FZD2: variants seen among roughly 807,000 people sequenced by gnomAD.
FZD2 encodes frizzled class receptor 2.
In FZD2, 17 loss-of-function variants were observed where a neutral mutation model predicts 36.7. The observed-to-expected ratio is 0.46, with a 90% CI of 0.32 to 0.70. The LOEUF is 0.70. Ranked by LOEUF, FZD2 falls within the 30% of genes least tolerant of loss-of-function variation. FZD2 has a pLI of 0.04. For synonymous variants in FZD2, 333 were observed against 359.6 expected, an observed-to-expected ratio of 0.93 and a Z score of 0.84; for missense variants, 525 against 805.6, an observed-to-expected ratio of 0.65 and a Z score of 4.22.
rs760646843 is a variant in FZD2 at position 44,557,715 on chromosome 17, C to CCTGCTGCTGCCGCTG, written c.39_53dup (p.Leu14_Pro18dup). On this transcript the variant is annotated inframe_insertion, in exon 1 of 1. Coordinates refer to ENST00000315323, the MANE Select transcript of FZD2 (RefSeq NM_001466.4). This position sits in a 1 kb window ranked among gnomAD's most constrained non-coding sequence, Gnocchi z 4.9. ...TGCGGCCCCGCAGCGCCCTGCCCCGCCTGCTGCTGCCGCTGCTGCTGCTGC... is the reference window on the plus strand; with the variant it reads ...TGCGGCCCCGCAGCGCCCTGCCCCGCCTGCTGCTGCCGCTGCTGCTGCTGCCGCTGCTGCTGCTGC... 6.3e-6 allele frequency: 10 copies of CCTGCTGCTGCCGCTG among 1,582,904 alleles called. No homozygotes were observed. Among genetic ancestry groups the CCTGCTGCTGCCGCTG allele is most frequent in the Non-Finnish European group, 7.7e-6 (9 of 1,166,486 alleles).
Position 44,558,627 on chromosome 17 carries a change from C to T in FZD2, c.939C>T (p.Asp313=), listed in dbSNP as rs775656853. Residue 313 remains aspartate (D), a synonymous_variant, in exon 1 of 1, where the codon GAC becomes GAT. Transcript: ENST00000315323. This position sits in a 1 kb window ranked among gnomAD's most constrained non-coding sequence, Gnocchi z 9.3. ...RVVCNERFSE[D]GYRTVVQGTK... ...TGTGCAACGAGCGCTTCTCCGAGGA[C>T]GGTTACCGCACGGTGGTGCAGGGCA... The T allele has an allele frequency of 1.9e-6, 3 of 1,614,086 alleles. No individual in the cohort carries two copies. In the East Asian group the frequency reaches 6.7e-5, roughly 36 times the overall value.
chr17:44,559,064 T>C lies in FZD2; in HGVS notation c.1376T>C (p.Met459Thr). Residue 459 changes from methionine to threonine, a missense_variant, in exon 1 of 1, where the codon ATG (methionine) becomes ACG (threonine). This residue lies in a region of FZD2 where 189 missense variants were observed against 298.1 expected (regional missense o/e 0.63). Coordinates refer to ENST00000315323, the MANE Select transcript of FZD2 (RefSeq NM_001466.4). This position sits in a 1 kb window ranked among gnomAD's most constrained non-coding sequence, Gnocchi z 4.4. ...GTKTEKLERL[M>T]VRIGVFSVLY... ...AAGACCGAAAAGCTGGAGCGGCTCATGGTGCGCATCGGCGTCTTCTCCGTG... is the reference window on the plus strand; with the variant it reads ...AAGACCGAAAAGCTGGAGCGGCTCACGGTGCGCATCGGCGTCTTCTCCGTG... 6.2e-7 allele frequency: 1 copy of C among 1,614,048 alleles called. No individual in the cohort carries two copies.
chr17:44,559,449 C>A lies in FZD2; in HGVS notation c.*63C>A, dbSNP rs978950978. 2.1e-6 allele frequency: 3 copies of A among 1,449,976 alleles called. No homozygotes were observed. Among genetic ancestry groups the A allele is most frequent in the Non-Finnish European group, 2.7e-6 (3 of 1,103,732 alleles). The allele number at this position is 1,449,976 out of a possible 1,614,324, so 89.8% of individuals were successfully genotyped here. On this transcript the variant is annotated 3_prime_UTR_variant, in exon 1 of 1. Coordinates refer to ENST00000315323, the MANE Select transcript of FZD2 (RefSeq NM_001466.4). This position sits in a 1 kb window ranked among gnomAD's most constrained non-coding sequence, Gnocchi z 4.4. ...CCGCCCGGGGTGGGGCCCCTACAGA[C>A]TCCGTATTTTATTTTTTTAAATAAA... is the stretch of plus-strand genomic sequence containing the variant.
chr17:44,557,726 C>G lies in FZD2; in HGVS notation c.38C>G (p.Pro13Arg). The change falls in exon 1 of 1, where the codon CCG (proline) becomes CGG (arginine). Residue 13 changes from proline (P) to arginine (R), a missense_variant. Physicochemically the swap from Pro to Arg is moderately radical, Grantham distance 103. Coordinates refer to ENST00000315323, the MANE Select transcript of FZD2 (RefSeq NM_001466.4). This position sits in a 1 kb window ranked among gnomAD's most constrained non-coding sequence, Gnocchi z 4.9. ...PRSALPRLLL[P>R]LLLLPAAGPA... Reference sequence around the variant, plus strand: ...AGCGCCCTGCCCCGCCTGCTGCTGCCGCTGCTGCTGCTGCCCGCCGCCGGG... The same window carrying G: ...AGCGCCCTGCCCCGCCTGCTGCTGCGGCTGCTGCTGCTGCCCGCCGCCGGG... The G allele has an allele frequency of 6.3e-7, 1 of 1,599,786 alleles. No homozygotes were observed. The highest frequency in any genetic ancestry group is 8.5e-7 in the Non-Finnish European group (1 of 1,174,502).
At position 44,558,771 on chromosome 17, in the gene FZD2, C is replaced by T. The variant is rs374157449; in HGVS notation, c.1083C>T (p.Gly361=). 288 of 1,614,124 alleles carry T rather than the reference C, an allele frequency of 1.8e-4. No individual in the cohort carries two copies. Among genetic ancestry groups the T allele is most frequent in the Non-Finnish European group, 2.4e-4 (284 of 1,180,052 alleles). The change falls in exon 1 of 1, where the codon GGC becomes GGT. Residue 361 remains glycine, a synonymous_variant. Coordinates refer to ENST00000315323, the MANE Select transcript of FZD2 (RefSeq NM_001466.4). This position sits in a 1 kb window ranked among gnomAD's most constrained non-coding sequence, Gnocchi z 9.3. The part of the protein sequence containing the change: ...TWFLAAGMKW[G]HEAIEANSQY... ...TCCTGGCAGCCGGCATGAAGTGGGG[C>T]CACGAGGCCATCGAGGCCAACTCTC...
chr17:44,558,761 T>A lies in FZD2; in HGVS notation c.1073T>A (p.Met358Lys). 6.2e-7 allele frequency: 1 copy of A among 1,614,264 alleles called. No homozygotes were observed. Among genetic ancestry groups the A allele is most frequent in the South Asian group, 1.1e-5 (1 of 91,090 alleles). ...LSLTWFLAAG[M>K]KWGHEAIEAN... ...CTCACCTGGTTCCTGGCAGCCGGCATGAAGTGGGGCCACGAGGCCATCGAG... is the reference window on the plus strand; with the variant it reads ...CTCACCTGGTTCCTGGCAGCCGGCAAGAAGTGGGGCCACGAGGCCATCGAG... The change falls in exon 1 of 1, where the codon ATG becomes AAG. Residue 358 changes from methionine (M) to lysine (K), a missense_variant. Coordinates refer to ENST00000315323, the MANE Select transcript of FZD2 (RefSeq NM_001466.4). This position sits in a 1 kb window ranked among gnomAD's most constrained non-coding sequence, Gnocchi z 9.3.
Position 44,558,485 on chromosome 17 carries a change from A to G in FZD2, c.797A>G (p.Tyr266Cys), listed in dbSNP as rs1281130175. The G allele has an allele frequency of 6.3e-7, 1 of 1,583,290 alleles. No individual in the cohort carries two copies. ...CASTFFTVTTYLVDMQRFRYP... is the reference protein window; with the variant it reads ...CASTFFTVTTCLVDMQRFRYP... ...TCCACCTTCTTCACTGTCACCACGT[A>G]CTTGGTAGACATGCAGCGCTTCCGC... The change falls in exon 1 of 1, where the codon TAC becomes TGC. Residue 266 changes from tyrosine (Y) to cysteine (C), a missense_variant. Physicochemically the swap from Tyr to Cys is radical, Grantham distance 194. Coordinates refer to ENST00000315323, the MANE Select transcript of FZD2 (RefSeq NM_001466.4). The surrounding 1 kb of genome is among the most constrained non-coding windows in gnomAD (Gnocchi z 9.3).
chr17:44,557,616 A>G lies in FZD2; in HGVS notation c.-73A>G. The stretch of plus-strand genomic sequence containing the variant: ...AGCCGCAGCGAGGAGGCGGCGGGGA[A>G]GAAGCGCAGTCTCCGGGTTGGGGGC... On this transcript the variant is annotated 5_prime_UTR_variant, in exon 1 of 1. Coordinates refer to ENST00000315323, the MANE Select transcript of FZD2 (RefSeq NM_001466.4). The surrounding 1 kb of genome is among the most constrained non-coding windows in gnomAD (Gnocchi z 4.9). 1.1e-6 allele frequency: 1 copy of G among 922,356 alleles called. No homozygotes were observed. Among genetic ancestry groups the G allele is most frequent in the Non-Finnish European group, 1.4e-6 (1 of 710,574 alleles). The allele number at this position is 922,356 out of a possible 1,614,324, so 57.1% of individuals were successfully genotyped here. A position where few individuals can be genotyped will look rare whatever the true frequency, so the allele number is the denominator to read the frequency against.
Position 44,557,781 on chromosome 17 carries a change from C to G in FZD2, c.93C>G (p.Ile31Met), listed in dbSNP as rs1286034359. The change falls in exon 1 of 1, where the codon ATC (isoleucine) becomes ATG (methionine). Residue 31 changes from isoleucine to methionine, a missense_variant. By Grantham distance (10) the Ile-to-Met change is conservative. This residue lies in a region of FZD2 where 44 missense variants were observed against 43.9 expected (regional missense o/e 1.00). Coordinates refer to ENST00000315323, the MANE Select transcript of FZD2 (RefSeq NM_001466.4). This position sits in a 1 kb window ranked among gnomAD's most constrained non-coding sequence, Gnocchi z 4.9. ...CCCAGTTCCACGGGGAGAAGGGCAT[C>G]TCCATCCCGGACCACGGCTTCTGCC... The part of the protein sequence containing the change: ...GPAQFHGEKG[I>M]SIPDHGFCQP... 4.3e-6 allele frequency: 7 copies of G among 1,613,488 alleles called. No individual in the cohort carries two copies. Among genetic ancestry groups the G allele is most frequent in the Non-Finnish European group, 5.9e-6 (7 of 1,179,932 alleles).
In FZD2 at chr17:44,559,350, C is replaced by T. The variant is rs760148785; in HGVS notation, c.1662C>T (p.Arg554=). The change falls in exon 1 of 1, where the codon CGC becomes CGT. Residue 554 remains arginine, a synonymous_variant. Coordinates refer to ENST00000315323, the MANE Select transcript of FZD2 (RefSeq NM_001466.4). The surrounding 1 kb of genome is among the most constrained non-coding windows in gnomAD (Gnocchi z 4.4). The part of the protein sequence containing the change: ...TLHSWRKFYT[R]LTNSRHGETT... ...ACTCGTGGAGGAAGTTCTACACTCGCCTCACCAACAGCCGACACGGTGAGA... is the reference window on the plus strand; with the variant it reads ...ACTCGTGGAGGAAGTTCTACACTCGTCTCACCAACAGCCGACACGGTGAGA... 5 of 1,611,038 alleles carry T rather than the reference C, an allele frequency of 3.1e-6. No homozygotes were observed. The East Asian group carries it at 1.1e-4, about 36-fold the overall frequency.
In FZD2 at chr17:44,559,465, T is replaced by C; in HGVS notation, c.*79T>C. 9 of 1,430,750 alleles carry C rather than the reference T, an allele frequency of 6.3e-6. No homozygotes were observed. Among genetic ancestry groups the C allele is most frequent in the Non-Finnish European group, 7.3e-6 (8 of 1,095,284 alleles). 88.6% of individuals were successfully genotyped at this position (1,430,750 alleles called of 1,614,324 possible). On this transcript the variant is annotated 3_prime_UTR_variant, in exon 1 of 1. Transcript: ENST00000315323. This position sits in a 1 kb window ranked among gnomAD's most constrained non-coding sequence, Gnocchi z 4.4. ...CCCTACAGACTCCGTATTTTATTTT[T>C]TTAAATAAAAAACGATCGAAACCAT...
rs1388440225 is a variant in FZD2, at chr17:44,561,106, T to G, written c.*1720T>G. On this transcript the variant is annotated 3_prime_UTR_variant, in exon 1 of 1. Transcript: ENST00000315323. ...ACTCCAGTTTCCAACACATATTATTTCCCTCAACTATTTGGAATATTTTAG... is the reference window on the plus strand; with the variant it reads ...ACTCCAGTTTCCAACACATATTATTGCCCTCAACTATTTGGAATATTTTAG... Among the ~76,000 whole-genome samples the G allele has an allele frequency of 6.6e-6, 1 of 152,170 alleles. No individual in the cohort carries two copies. The highest frequency in any genetic ancestry group is 1.5e-5 in the Non-Finnish European group (1 of 68,024).
rs7218045 is a variant in FZD2, at chr17:44,558,597, C to T, written c.909C>T (p.Arg303=). The T allele has an allele frequency of 3.4e-3, 5,409 of 1,612,388 alleles. 156 individuals are homozygous for T. The African/African-American group carries it at 0.064, about 19-fold the overall frequency. The part of the protein sequence containing the change: ...AYIAGFVLQE[R]VVCNERFSED... ...TCGCGGGCTTCGTGCTCCAGGAGCG[C>T]GTGGTGTGCAACGAGCGCTTCTCCG... is the stretch of plus-strand genomic sequence containing the variant. Residue 303 remains arginine, a synonymous_variant, in exon 1 of 1, where the codon CGC becomes CGT. Coordinates refer to ENST00000315323, the MANE Select transcript of FZD2 (RefSeq NM_001466.4). This position sits in a 1 kb window ranked among gnomAD's most constrained non-coding sequence, Gnocchi z 9.3.
chr17:44,557,732 T>C lies in FZD2; in HGVS notation c.44T>C (p.Leu15Pro). ...SALPRLLLPL[L>P]LLPAAGPAQF... ...CTGCCCCGCCTGCTGCTGCCGCTGC[T>C]GCTGCTGCCCGCCGCCGGGCCGGCC... The change falls in exon 1 of 1, where the codon CTG (leucine) becomes CCG (proline). Residue 15 changes from leucine to proline, a missense_variant. By Grantham distance (98) the Leu-to-Pro change is moderately conservative (BLOSUM62 -3). Coordinates refer to ENST00000315323, the MANE Select transcript of FZD2 (RefSeq NM_001466.4). The surrounding 1 kb of genome is among the most constrained non-coding windows in gnomAD (Gnocchi z 4.9). The C allele has an allele frequency of 6.2e-7, 1 of 1,605,060 alleles. No homozygotes were observed. Among genetic ancestry groups the C allele is most frequent in the Non-Finnish European group, 8.5e-7 (1 of 1,176,912 alleles).
Position 44,559,467 on chromosome 17 carries a change from T to A in FZD2, c.*81T>A. 1 of 1,428,688 alleles carries A rather than the reference T, an allele frequency of 7.0e-7. No homozygotes were observed. The highest frequency in any genetic ancestry group is 9.1e-7 in the Non-Finnish European group (1 of 1,094,602). 88.5% of individuals were successfully genotyped at this position (1,428,688 alleles called of 1,614,324 possible). A position where few individuals can be genotyped will look rare whatever the true frequency, so the allele number is the denominator to read the frequency against. ...CTACAGACTCCGTATTTTATTTTTT[T>A]AAATAAAAAACGATCGAAACCATTT... On this transcript the variant is annotated 3_prime_UTR_variant, in exon 1 of 1. Coordinates refer to ENST00000315323, the MANE Select transcript of FZD2 (RefSeq NM_001466.4). The surrounding 1 kb of genome is among the most constrained non-coding windows in gnomAD (Gnocchi z 4.4).
Position 44,558,005 on chromosome 17 carries a change from C to A in FZD2, c.317C>A (p.Ala106Asp). The A allele has an allele frequency of 6.2e-7, 1 of 1,613,774 alleles. No homozygotes were observed. The highest frequency in any genetic ancestry group is 8.5e-7 in the Non-Finnish European group (1 of 1,180,008). The change falls in exon 1 of 1, where the codon GCC becomes GAC. Residue 106 changes from alanine to aspartate, a missense_variant. This residue lies in a region of FZD2 where 257 missense variants were observed against 344.4 expected (regional missense o/e 0.75). Transcript: ENST00000315323. The surrounding 1 kb of genome is among the most constrained non-coding windows in gnomAD (Gnocchi z 9.3). ...CCCGTGTGCACCGTGCTGGAACAGG[C>A]CATCCCGCCGTGCCGCTCTATCTGT... Reference protein sequence around the residue: ...YAPVCTVLEQAIPPCRSICER... With the variant: ...YAPVCTVLEQDIPPCRSICER...
At position 44,559,002 on chromosome 17, in the gene FZD2, C is replaced by G; in HGVS notation, c.1314C>G (p.Leu438=). The change falls in exon 1 of 1, where the codon CTC becomes CTG. Residue 438 remains leucine (L), a synonymous_variant. Coordinates refer to ENST00000315323, the MANE Select transcript of FZD2 (RefSeq NM_001466.4). This position sits in a 1 kb window ranked among gnomAD's most constrained non-coding sequence, Gnocchi z 4.4. The part of the protein sequence containing the change: ...TSFLLAGFVS[L]FRIRTIMKHD... ...TCCTCCTGGCCGGCTTCGTGTCGCT[C>G]TTCCGCATCCGCACCATCATGAAGC... The G allele has an allele frequency of 6.2e-7, 1 of 1,614,192 alleles. No homozygotes were observed.
In FZD2 at chr17:44,558,783, C is replaced by T. The variant is rs755024659; in HGVS notation, c.1095C>T (p.Ile365=). The T allele has an allele frequency of 6.2e-7, 1 of 1,614,234 alleles. No individual in the cohort carries two copies. The highest frequency in any genetic ancestry group is 1.1e-5 in the South Asian group (1 of 91,084). Residue 365 remains isoleucine (I), a synonymous_variant, in exon 1 of 1, where the codon ATC becomes ATT. Transcript: ENST00000315323. The surrounding 1 kb of genome is among the most constrained non-coding windows in gnomAD (Gnocchi z 9.3). Reference sequence around the variant, plus strand: ...GCATGAAGTGGGGCCACGAGGCCATCGAGGCCAACTCTCAGTACTTCCACC... The same window carrying T: ...GCATGAAGTGGGGCCACGAGGCCATTGAGGCCAACTCTCAGTACTTCCACC... ...AAGMKWGHEA[I]EANSQYFHLA... is the part of the protein sequence containing the mutation.
In FZD2 at chr17:44,558,420, G is replaced by A. The variant is rs769673713; in HGVS notation, c.732G>A (p.Ala244=). ...MFFSQEETRF[A]RLWILTWSVL... Reference sequence around the variant, plus strand: ...TCTCACAGGAGGAGACGCGTTTCGCGCGCCTCTGGATCCTCACCTGGTCGG... The same window carrying A: ...TCTCACAGGAGGAGACGCGTTTCGCACGCCTCTGGATCCTCACCTGGTCGG... The change falls in exon 1 of 1, where the codon GCG becomes GCA. Residue 244 remains alanine, a synonymous_variant. Coordinates refer to ENST00000315323, the MANE Select transcript of FZD2 (RefSeq NM_001466.4). The surrounding 1 kb of genome is among the most constrained non-coding windows in gnomAD (Gnocchi z 9.3). The A allele has an allele frequency of 1.9e-6, 3 of 1,574,322 alleles. No individual in the cohort carries two copies. In the South Asian group the frequency reaches 3.6e-5, roughly 19 times the overall value.
Sources: allele counts gnomAD v4.1 joint callset (sites outside exome capture counted in the v4.1 genomes callset), GRCh38; gene constraint gnomAD v4.1.1; regional missense constraint gnomAD v4.1.1; non-coding constraint Gnocchi (gnomAD v3.1); transcripts MANE v1.5; gene names NCBI Gene and HGNC (gene_info 2026-07-23, HGNC 2026-07-21).